IGF2R: variants seen among roughly 807,000 people sequenced by gnomAD.
The protein encoded by IGF2R is cation-independent mannose-6-phosphate receptor.
A neutral mutation model predicts 270.6 loss-of-function variants in IGF2R; 91 were observed. The ratio of observed to expected loss-of-function variants is 0.34; its 90% CI spans 0.28 to 0.40. The LOEUF (loss-of-function observed/expected upper bound fraction) is 0.40. Among genes scored for constraint, IGF2R ranks in the 10% least tolerant of loss-of-function variants. The pLI is 1.00. For missense variants in IGF2R, 2,805 were observed against 3,188.3 expected (o/e 0.88, Z 2.90); for synonymous variants, 1,316 against 1,258.9 (o/e 1.05, Z -0.96).
intron 5 of IGF2R, among the ~76,000 whole-genome samples, chr6:160,025,923 G>GT (rs1309320606): frequency 6.6e-6 from 1 of 152,172 alleles, no homozygotes; most frequent in East Asian, 1.9e-4. Flanking sequence ...TTTCTTACAA[G>GT]TTTTTTCTTT....
chr6:159,991,928 G>T (rs1783985382), intron 2 of IGF2R, among the ~76,000 whole-genome samples: 1 of 152,186 alleles, frequency 6.6e-6, no homozygotes, highest in South Asian at 2.1e-4. Context: ...GAATCCAAGT[G>T]GATTAATATA....
chr6:159,995,072 A>G (rs6915723), intron 2 of IGF2R, among the ~76,000 whole-genome samples: 30,758 of 152,032 alleles, frequency 0.2, 3,807 homozygotes, highest in East Asian at 0.57. Context: ...ATTGCTGTCT[A>G]TCTCCTCTTA....
chr6:160,020,405 T>G (rs1314628215), intron 4 of IGF2R, among the ~76,000 whole-genome samples: 1 of 152,224 alleles, frequency 6.6e-6, no homozygotes, highest in East Asian at 1.9e-4. Flanking sequence ...ATGCAATTCC[T>G]ATCAAAATGC....
chr6:159,980,352 C>T (rs528283736), intron 1 of IGF2R, among the ~76,000 whole-genome samples: 51 of 152,258 alleles, frequency 3.3e-4, no homozygotes, highest in Middle Eastern at 3.4e-3. Flanking sequence ...CTTTAGGCTG[C>T]GATGGAGATA....
intron 6 of IGF2R, 117 bp downstream of exon 6, chr6:160,027,431 C>T: frequency 3.6e-6 from 4 of 1,124,418 alleles, no homozygotes; most frequent in Non-Finnish European, 5.0e-6. Flanking sequence ...TGCAGCATTG[C>T]TGCTTCACAT....
intron 1 of IGF2R, among the ~76,000 whole-genome samples, chr6:159,974,685 A>G (rs1783662360): frequency 6.6e-6 from 1 of 152,122 alleles, no homozygotes; most frequent in Admixed American, 6.5e-5. Context: ...GCCTCTACTC[A>G]CTAGATGCTA....
At chr6:159,979,315 C>T (rs903773728) in intron 1 of IGF2R, among the ~76,000 whole-genome samples, 2 of 152,172 alleles carry the variant, frequency 1.3e-5, no homozygotes, top group African/African-American at 4.8e-5. Flanking sequence ...AAATAGAGTG[C>T]CAAGCCACCA....
intron 23 of IGF2R, 120 bp from the exon 24 acceptor site, chr6:160,061,383 A>G (rs1778434959): frequency 1.1e-6 from 1 of 894,112 alleles, no homozygotes; most frequent in South Asian, 1.6e-5. Context: ...GGATTTCCTT[A>G]TCCTCACAGT....
intron 45 of IGF2R, among the ~76,000 whole-genome samples, chr6:160,098,568 C>T (rs571066135): frequency 7.9e-5 from 12 of 152,182 alleles, no homozygotes; most frequent in Admixed American, 7.2e-4. Flanking sequence ...CTTGTAATCC[C>T]AACATTTTGG....
intron 45 of IGF2R, among the ~76,000 whole-genome samples, chr6:160,100,491 A>G (rs988391297): frequency 6.6e-5 from 10 of 152,180 alleles, no homozygotes; most frequent in African/African-American, 2.4e-4. Context: ...TATGTAAAGC[A>G]GAAATTGACA....
Position 160,097,108 on chromosome 6 carries a change from C to T in IGF2R, c.6842+483C>T, listed in dbSNP as rs189301828. On this transcript the variant is annotated intron_variant, in intron 45 of 47. Coordinates refer to ENST00000356956, the MANE Select transcript of IGF2R (RefSeq NM_000876.4). Reference sequence around the variant, plus strand: ...CTTTGATTTGAGTGCAGTATTTTTACGTTTGTTTGAATGAATGAAAAGCTT... The same window carrying T: ...CTTTGATTTGAGTGCAGTATTTTTATGTTTGTTTGAATGAATGAAAAGCTT... Among the ~76,000 whole-genome samples, 20 of 152,276 alleles carry T rather than the reference C, an allele frequency of 1.3e-4. No homozygotes were observed. In the South Asian group the frequency reaches 2.9e-3, roughly 22 times the overall value.
chr6:160,033,531 G>A (rs1463029033), intron 9 of IGF2R, among the ~76,000 whole-genome samples: 1 of 152,232 alleles, frequency 6.6e-6, no homozygotes. Flanking sequence ...GGGAGAATCA[G>A]TTACTCCAGC....
At chr6:160,040,817 G>A (rs891664202) in intron 11 of IGF2R, 93 bp downstream of exon 11, 2 of 1,338,940 alleles carry the variant, frequency 1.5e-6, no homozygotes, top group African/African-American at 1.4e-5. Context: ...TATTTTCTTT[G>A]TCAGTGGGTT....
intron 1 of IGF2R, among the ~76,000 whole-genome samples, chr6:159,982,968 G>T (rs1783828474): frequency 6.6e-6 from 1 of 152,212 alleles, no homozygotes; most frequent in Admixed American, 6.5e-5. Context: ...CAAGCATTGA[G>T]TGATGGCATA....
intron 7 of IGF2R, among the ~76,000 whole-genome samples, chr6:160,029,889 G>A (rs541437728): frequency 3.3e-5 from 5 of 152,342 alleles, no homozygotes; most frequent in South Asian, 2.1e-4. Context: ...ACAGCAATCC[G>A]GAGGGGCCTC....
intron 45 of IGF2R, among the ~76,000 whole-genome samples, chr6:160,097,175 A>T (rs528921131): frequency 2.6e-5 from 4 of 152,354 alleles, no homozygotes; most frequent in African/African-American, 9.6e-5. Context: ...CAGAGGGAGC[A>T]GTTTCTGCTC....
intron 31 of IGF2R, 35 bp downstream of exon 31, chr6:160,070,093 G>A: frequency 6.2e-7 from 1 of 1,604,634 alleles, no homozygotes; most frequent in South Asian, 1.1e-5. Context: ...TGCTGTTGCA[G>A]CTTTGGGAAT....
At chr6:160,056,688 C>T (rs1052617874) in intron 20 of IGF2R, among the ~76,000 whole-genome samples, 163 bp downstream of exon 20, 3 of 152,230 alleles carry the variant, frequency 2.0e-5, no homozygotes, top group Non-Finnish European at 4.4e-5. Flanking sequence ...TTCCTCTCCA[C>T]TCCGCAGCTC....
At position 160,092,868 on chromosome 6, in the gene IGF2R, C is replaced by T. The variant is rs183957490; in HGVS notation, c.6655+2765C>T. 9.8e-5 allele frequency among the ~76,000 whole-genome samples: 15 copies of T among 152,346 alleles called. No homozygotes were observed. In the East Asian group the frequency reaches 2.7e-3, roughly 27 times the overall value. On this transcript the variant is annotated intron_variant, in intron 44 of 47. Coordinates refer to ENST00000356956, the MANE Select transcript of IGF2R (RefSeq NM_000876.4). ...CAGCAGCACCAGCCACAAAGATTTT[C>T]AGCCAGTGACAAAGGTTGGGAGCAG...
Sources: gnomAD v4.1 joint callset for allele counts (sites outside exome capture counted in the v4.1 genomes callset) on GRCh38, gnomAD v4.1.1 for gene constraint, MANE v1.5 for transcripts, NCBI Gene and HGNC (gene_info 2026-07-23, HGNC 2026-07-21) for gene names.